Variants in SMOC2 observed in about 807,000 individuals in gnomAD.
SMOC2 encodes SPARC-related modular calcium-binding protein 2.
A neutral mutation model predicts 61.4 loss-of-function variants in SMOC2; 39 were observed. That is an observed-to-expected ratio of 0.64 (90% CI 0.49 to 0.83). The LOEUF (loss-of-function observed/expected upper bound fraction) is 0.83. Ranked by LOEUF, SMOC2 falls within the 40% of genes least tolerant of loss-of-function variation. SMOC2 has a pLI of 0.00. For synonymous variants in SMOC2, 247 were observed against 239.9 expected, an observed-to-expected ratio of 1.03 and a Z score of -0.27; for missense variants, 556 against 592.9, an observed-to-expected ratio of 0.94 and a Z score of 0.65.
chr6:168,518,727 G>A (rs952179210), intron 2 of SMOC2, among the ~76,000 whole-genome samples: 19 of 150,578 alleles, frequency 1.3e-4, no homozygotes, highest in African/African-American at 4.4e-4. Context: ...GCTTATGTGA[G>A]TGTGCATGTG....
rs1441798092 is a variant in SMOC2, at chr6:168,666,561, T to C, written c.*123T>C. On this transcript the variant is annotated 3_prime_UTR_variant, in exon 13 of 13. Transcript: ENST00000356284. ...CTTTGTACTTTAAATGTAAATTCAC[T>C]TTGTAGAAATGAGCTATTTAAACAG... is the stretch of plus-strand genomic sequence containing the variant. The C allele has an allele frequency of 1.8e-6, 2 of 1,092,332 alleles. No individual in the cohort carries two copies. The highest frequency in any genetic ancestry group is 2.8e-6 in the Non-Finnish European group (2 of 726,612). The allele number at this position is 1,092,332 out of a possible 1,614,324, so 67.7% of individuals were successfully genotyped here.
intron 8 of SMOC2, among the ~76,000 whole-genome samples, chr6:168,600,725 T>C (rs1785530462): frequency 6.6e-6 from 1 of 152,244 alleles, no homozygotes; most frequent in Non-Finnish European, 1.5e-5. Context: ...TTGTCCAAGA[T>C]GGCTTTTTAT....
intron 2 of SMOC2, among the ~76,000 whole-genome samples, chr6:168,515,779 G>T (rs1023347197): frequency 6.6e-6 from 1 of 152,194 alleles, no homozygotes; most frequent in African/African-American, 2.4e-5. Flanking sequence ...CCCAGGACGG[G>T]TGAGAACAGA....
intron 10 of SMOC2, among the ~76,000 whole-genome samples, chr6:168,652,411 C>T (rs1437977278): frequency 6.6e-6 from 1 of 152,182 alleles, no homozygotes; most frequent in Admixed American, 6.5e-5. Flanking sequence ...GGAGAAGGTG[C>T]GTGTCTGCCA....
intron 1 of SMOC2, among the ~76,000 whole-genome samples, chr6:168,448,215 A>G (rs1280979759): frequency 6.6e-6 from 1 of 152,174 alleles, no homozygotes; most frequent in East Asian, 1.9e-4. Context: ...ATTCTCTGCC[A>G]TGAAAGCAAC....
intron 1 of SMOC2, among the ~76,000 whole-genome samples, chr6:168,474,151 G>T (rs976459746): frequency 6.6e-6 from 1 of 152,102 alleles, no homozygotes; most frequent in Non-Finnish European, 1.5e-5. Context: ...TAGCACAGGT[G>T]GGGAGGAAAG....
intron 8 of SMOC2, among the ~76,000 whole-genome samples, chr6:168,607,780 C>T (rs1785738721): frequency 6.6e-6 from 1 of 151,308 alleles, no homozygotes; most frequent in South Asian, 2.1e-4. Context: ...CAAGTGCTTC[C>T]TCCATCCAAC....
chr6:168,509,550 A>C (rs1469863030), intron 1 of SMOC2, among the ~76,000 whole-genome samples: 1 of 62,354 alleles, frequency 1.6e-5, no homozygotes, highest in Non-Finnish European at 4.3e-5. Flanking sequence ...GAGGCAAATT[A>C]GTCGATGAAT....
intron 7 of SMOC2, among the ~76,000 whole-genome samples, chr6:168,558,513 C>T (rs1331635273): frequency 1.3e-5 from 2 of 152,106 alleles, no homozygotes; most frequent in East Asian, 1.9e-4. Flanking sequence ...GGTTCTCGGC[C>T]CCCCCTGTGT....
At chr6:168,473,409 C>T (rs780327547) in intron 1 of SMOC2, among the ~76,000 whole-genome samples, 1 of 152,044 alleles carries the variant, frequency 6.6e-6, no homozygotes, top group Non-Finnish European at 1.5e-5. Flanking sequence ...TTACCTGCCA[C>T]CTGTGTGCCC....
chr6:168,578,554 G>A (rs530513828), intron 7 of SMOC2, among the ~76,000 whole-genome samples: 1 of 152,322 alleles, frequency 6.6e-6, no homozygotes, highest in African/African-American at 2.4e-5. Flanking sequence ...ACCAGCCCTT[G>A]TTCAGGGCTG....
chr6:168,606,559 G>A (rs1314878405), intron 8 of SMOC2, among the ~76,000 whole-genome samples: 2 of 152,088 alleles, frequency 1.3e-5, no homozygotes, highest in East Asian at 1.9e-4. Flanking sequence ...TGTCCCTTTA[G>A]AGAGAAATTT....
chr6:168,534,085 C>T (rs1783677878), intron 4 of SMOC2, among the ~76,000 whole-genome samples: 1 of 151,860 alleles, frequency 6.6e-6, no homozygotes, highest in South Asian at 2.1e-4. Context: ...CCCACCATCT[C>T]TACAAAAAAT....
At chr6:168,551,652 C>G (rs1784133493) in intron 7 of SMOC2, among the ~76,000 whole-genome samples, 1 of 152,054 alleles carries the variant, frequency 6.6e-6, no homozygotes, top group Non-Finnish European at 1.5e-5. Context: ...CAGGGTTTCA[C>G]CATGTTAGCC....
At chr6:168,589,247 G>A (rs904646893) in intron 7 of SMOC2, among the ~76,000 whole-genome samples, 5 of 152,198 alleles carry the variant, frequency 3.3e-5, no homozygotes, top group Non-Finnish European at 2.9e-5. Flanking sequence ...AATAATTCCT[G>A]AAGAACTCTT....
intron 1 of SMOC2, 88 bp from the exon 2 acceptor site, chr6:168,509,827 G>A (rs1017602050): frequency 5.0e-5 from 68 of 1,347,842 alleles, no homozygotes; most frequent in Non-Finnish European, 6.1e-5. Context: ...TTCCCTGACC[G>A]TGAAGTGGCC....
At chr6:168,549,580 C>T (rs868329299) in intron 7 of SMOC2, among the ~76,000 whole-genome samples, 4 of 152,078 alleles carry the variant, frequency 2.6e-5, no homozygotes, top group Non-Finnish European at 4.4e-5. Context: ...ATCGTCTTCA[C>T]GTTGAGTGGG....
At chr6:168,540,146 G>A (rs1163097435) in intron 4 of SMOC2, among the ~76,000 whole-genome samples, 1 of 152,236 alleles carries the variant, frequency 6.6e-6, no homozygotes, top group African/African-American at 2.4e-5. Flanking sequence ...ACTAAAGTGT[G>A]TAGTGCTGCG....
At chr6:168,481,821 G>A (rs1305734887) in intron 1 of SMOC2, among the ~76,000 whole-genome samples, 15 of 151,668 alleles carry the variant, frequency 9.9e-5, no homozygotes, top group Non-Finnish European at 1.5e-5. Context: ...TAGCTTGAAA[G>A]GAAAGAATGG....
Sources: gnomAD v4.1 joint callset for allele counts (sites outside exome capture counted in the v4.1 genomes callset) on GRCh38, gnomAD v4.1.1 for gene constraint, MANE v1.5 for transcripts, NCBI Gene and HGNC (gene_info 2026-07-23, HGNC 2026-07-21) for gene names.